The following PPFIA1 variants were observed in gnomAD, a reference collection of about 807,000 sequenced individuals.
PPFIA1 encodes the protein liprin-alpha-1.
PPFIA1 carries 25 observed loss-of-function variants against 149.9 expected under a neutral mutation model. The observed-to-expected ratio is 0.17, with a 90% CI of 0.12 to 0.23. PPFIA1 has a LOEUF of 0.23. PPFIA1 is among the 10% of genes least tolerant of loss of function. PPFIA1 has a pLI of 1.00. For missense variants in PPFIA1, 1,362 were observed against 1,506.5 expected (o/e 0.90, Z 1.59); for synonymous variants, 549 against 552.8 (o/e 0.99, Z 0.10).
rs780874845 is a variant in PPFIA1, at chr11:70,330,234, C to A, written c.992C>A (p.Ala331Asp). 7 of 1,602,450 alleles carry A rather than the reference C, an allele frequency of 4.4e-6. No homozygotes were observed. The highest frequency in any genetic ancestry group is 6.0e-6 in the Non-Finnish European group (7 of 1,175,694). ...ACTACTCTTGAAAAACGCTACCTCG[C>A]TGCACAGCGTGAAGCCACATCTGTG... ...RITTLEKRYL[A>D]AQREATSVHD... Residue 331 changes from alanine to aspartate, a missense_variant, in exon 8 of 28, where the codon GCT (alanine) becomes GAT (aspartate). Coordinates refer to ENST00000253925, the MANE Select transcript of PPFIA1 (RefSeq NM_003626.5).
chr11:70,371,942 T>A (rs1223454704), intron 21 of PPFIA1: 1 of 256,356 alleles, frequency 3.9e-6, no homozygotes, highest in African/African-American at 2.2e-5. Flanking sequence ...AGAGAGGAAA[T>A]TTATAGCCAG....
At chr11:70,296,141 G>A (rs1449430620) in intron 2 of PPFIA1, among the ~76,000 whole-genome samples, 1 of 151,250 alleles carries the variant, frequency 6.6e-6, no homozygotes, top group Non-Finnish European at 1.5e-5. Flanking sequence ...GGGAAGAGGT[G>A]CTCCTCACTT....
intron 2 of PPFIA1, among the ~76,000 whole-genome samples, chr11:70,312,464 T>C (rs981700841): frequency 5.3e-5 from 8 of 152,200 alleles, no homozygotes; most frequent in African/African-American, 1.9e-4. Context: ...GTGCTGGGAT[T>C]ACAGGCAGGA....
At chr11:70,347,942 G>A (rs931711438) in intron 15 of PPFIA1, among the ~76,000 whole-genome samples, 2 of 152,216 alleles carry the variant, frequency 1.3e-5, no homozygotes, top group Admixed American at 1.3e-4. Flanking sequence ...GGCAGAGGTT[G>A]CAGTGAGCCG....
At chr11:70,341,545 G>A (rs2055332110) in intron 14 of PPFIA1, among the ~76,000 whole-genome samples, 1 of 152,204 alleles carries the variant, frequency 6.6e-6, no homozygotes, top group Non-Finnish European at 1.5e-5. Flanking sequence ...GGGACTGTCA[G>A]CTGTCCAGGG....
At chr11:70,314,848 TAAAGG>T (rs1239691326) in intron 2 of PPFIA1, among the ~76,000 whole-genome samples, 4 of 152,198 alleles carry the variant, frequency 2.6e-5, no homozygotes, top group Non-Finnish European at 5.9e-5. Context: ...GGGTAATTCA[TAAAGG>T]AAAGGTTTAA....
chr11:70,364,905 C>G (rs2056839573), intron 21 of PPFIA1: 1 of 153,308 alleles, frequency 6.5e-6, no homozygotes, highest in Non-Finnish European at 1.5e-5. Context: ...CTGCACAGAG[C>G]CATCGACACT....
intron 2 of PPFIA1, among the ~76,000 whole-genome samples, chr11:70,293,260 T>C (rs923202400): frequency 6.6e-5 from 10 of 152,254 alleles, no homozygotes; most frequent in African/African-American, 2.4e-4. Context: ...TTTCAGTTTT[T>C]TTCCCCTTCT....
At chr11:70,375,297 T>TA (rs2057446766) in intron 24 of PPFIA1, 2 of 387,948 alleles carry the variant, frequency 5.2e-6, no homozygotes, top group Non-Finnish European at 8.8e-6. Context: ...ATAAACCAGA[T>TA]AAGGACGATC....
chr11:70,288,300 G>A (rs2051291553), intron 2 of PPFIA1, among the ~76,000 whole-genome samples: 1 of 152,022 alleles, frequency 6.6e-6, no homozygotes, highest in South Asian at 2.1e-4. Context: ...TTGAACTCCT[G>A]GTGTTGTGAT....
rs1802027806 is a variant in PPFIA1 at position 70,375,023 on chromosome 11, T to C, written c.3245T>C (p.Leu1082Pro). Residue 1082 changes from leucine to proline, a missense_variant, in exon 24 of 28, where the codon CTG becomes CCG. This residue lies in a region of PPFIA1 where 349 missense variants were observed against 373.3 expected (regional missense o/e 0.93). Transcript: ENST00000253925. ...GAGAGTGGTGTTCACGGAGCACTTC[T>C]GGCCTTAGATGAAACCTTCGACTTC... ...LIESGVHGAL[L>P]ALDETFDFSA... The C allele has an allele frequency of 6.2e-7, 1 of 1,613,864 alleles. No individual in the cohort carries two copies. Among genetic ancestry groups the C allele is most frequent in the Non-Finnish European group, 8.5e-7 (1 of 1,179,998 alleles).
intron 16 of PPFIA1, chr11:70,349,856 G>C: frequency 2.2e-6 from 1 of 452,390 alleles, no homozygotes; most frequent in South Asian, 1.6e-5. Context: ...CTGTATGCTG[G>C]CTGACAGTCT....
Position 70,333,525 on chromosome 11 carries a change from TGGA to T in PPFIA1, c.1273_1275del (p.Glu425del). On this transcript the variant is annotated inframe_deletion, in exon 10 of 28. Coordinates refer to ENST00000253925, the MANE Select transcript of PPFIA1 (RefSeq NM_003626.5). ...AGGTTACGACAGATGGAAGCACAGT[TGGA>T]GGAGAAGAATCAAGAACTGCAGCGG... The T allele has an allele frequency of 1.2e-6, 2 of 1,612,698 alleles. No individual in the cohort carries two copies. The highest frequency in any genetic ancestry group is 1.3e-5 in the African/African-American group (1 of 74,862).
At chr11:70,336,492 C>G (rs896886504) in intron 11 of PPFIA1, among the ~76,000 whole-genome samples, 1 of 129,126 alleles carries the variant, frequency 7.7e-6, no homozygotes, top group Non-Finnish European at 1.6e-5. Context: ...TGTGACAGAG[C>G]AAGATCCTGT....
chr11:70,361,449 A>G (rs1224274509), intron 19 of PPFIA1, among the ~76,000 whole-genome samples: 1 of 151,884 alleles, frequency 6.6e-6, no homozygotes, highest in South Asian at 2.1e-4. Context: ...GTTTTTTCCC[A>G]CTGAATATTT....
At chr11:70,324,644 A>G in intron 3 of PPFIA1, 141 bp downstream of exon 3, 1 of 873,420 alleles carries the variant, frequency 1.1e-6, no homozygotes, top group Non-Finnish European at 1.8e-6. Context: ...GACTGTGATT[A>G]GTCAGCATGA....
chr11:70,362,471 C>T lies in PPFIA1; in HGVS notation c.2848C>T (p.Pro950Ser), dbSNP rs760445433. The change falls in exon 21 of 28, where the codon CCG (proline) becomes TCG (serine). Residue 950 changes from proline to serine, a missense_variant. Around this residue, in one of 7 missense-constraint regions of PPFIA1, gnomAD observed 349 missense variants for 373.3 expected, o/e 0.93. Transcript: ENST00000253925. ...CATGTCGCTGACCAGCCCGTCTGCCCCGCCCACATCTAGAACGGTACGTTC... is the reference window on the plus strand; with the variant it reads ...CATGTCGCTGACCAGCCCGTCTGCCTCGCCCACATCTAGAACGGTACGTTC... ...EIMSLTSPSA[P>S]PTSRTTLAYG... 1.9e-6 allele frequency: 3 copies of T among 1,612,944 alleles called. No individual in the cohort carries two copies. The highest frequency in any genetic ancestry group is 1.7e-6 in the Non-Finnish European group (2 of 1,179,430).
Position 70,381,959 on chromosome 11 carries a change from C to G in PPFIA1, c.3551-129C>G, listed in dbSNP as rs1305455012. The G allele has an allele frequency of 8.2e-6, 6 of 730,736 alleles. No individual in the cohort carries two copies. In the African/African-American group the frequency reaches 1.0e-4, roughly 13 times the overall value. 45.3% of individuals were successfully genotyped at this position (730,736 alleles called of 1,614,324 possible). On this transcript the variant is annotated intron_variant, in intron 26 of 27. Coordinates refer to ENST00000253925, the MANE Select transcript of PPFIA1 (RefSeq NM_003626.5). ...GGCTCCATCCCGCCCACTCAGGCAG[C>G]TCCCCTCAGGTCCCTCCGTAGGCAC...
In PPFIA1 at chr11:70,324,978, C is replaced by T. The variant is rs2054174816; in HGVS notation, c.498C>T (p.Ser166=). The change falls in exon 4 of 28, where the codon TCC becomes TCT. Residue 166 remains serine (S), a synonymous_variant. Coordinates refer to ENST00000253925, the MANE Select transcript of PPFIA1 (RefSeq NM_003626.5). ...TGGAAGTGCTGAAAGCACTGAAGTCCTTATTTGAACACCACAAAGCTCTGG... is the reference window on the plus strand; with the variant it reads ...TGGAAGTGCTGAAAGCACTGAAGTCTTTATTTGAACACCACAAAGCTCTGG... ...SEVEVLKALK[S]LFEHHKALDE... 6.8e-6 allele frequency: 11 copies of T among 1,612,926 alleles called. No homozygotes were observed. The highest frequency in any genetic ancestry group is 9.3e-6 in the Non-Finnish European group (11 of 1,179,734).
Sources: gnomAD v4.1 joint callset for allele counts (sites outside exome capture counted in the v4.1 genomes callset) on GRCh38, gnomAD v4.1.1 for gene constraint, gnomAD v4.1.1 regional missense constraint, MANE v1.5 for transcripts, NCBI Gene and HGNC (gene_info 2026-07-23, HGNC 2026-07-21) for gene names.